Variants in TCF25 observed in about 807,000 individuals in gnomAD.
TCF25 encodes the protein TCF25 ribosome quality control complex subunit.
Under a neutral mutation model 83.1 loss-of-function variants are expected in TCF25, and 41 were observed. The observed-to-expected ratio is 0.49, with a 90% CI of 0.38 to 0.64. The LOEUF is 0.64. TCF25 is among the 30% of genes least tolerant of loss of function. The pLI, the probability that TCF25 is intolerant of heterozygous loss-of-function variation, is 0.00. For missense variants in TCF25, 979 were observed against 914.5 expected (o/e 1.07, Z -0.91); for synonymous variants, 458 against 365.0 (o/e 1.25, Z -2.90).
Position 89,896,140 on chromosome 16 carries a change from G to C in TCF25, c.1022+57G>C, listed in dbSNP as rs1250191283. 2.6e-6 allele frequency: 4 copies of C among 1,552,070 alleles called. No individual in the cohort carries two copies. The East Asian group carries it at 6.9e-5, about 27-fold the overall frequency. On this transcript the variant is annotated intron_variant, in intron 9 of 17. Transcript: ENST00000263346. The stretch of plus-strand genomic sequence containing the variant: ...TCCCCTTCCCTTCTCCTGCGAGTGA[G>C]GCTGGGGGAGGTGCAGTGGGCACCT...
At chr16:89,887,742 C>T (rs368471434) in intron 5 of TCF25, 25 bp downstream of exon 5, 35 of 1,535,164 alleles carry the variant, frequency 2.3e-5, no homozygotes, top group Non-Finnish European at 3.1e-5. Context: ...GAGCTGCATT[C>T]TCACAGCTGC....
intron 7 of TCF25, 22 bp from the exon 8 acceptor site, chr16:89,895,016 G>C: frequency 6.2e-7 from 1 of 1,608,428 alleles, no homozygotes; most frequent in South Asian, 1.1e-5. Flanking sequence ...CTTTCCTCCA[G>C]GGCTGTCCTC....
At chr16:89,910,735 G>T in intron 17 of TCF25, 72 bp downstream of exon 17, 1 of 1,520,720 alleles carries the variant, frequency 6.6e-7, no homozygotes, top group East Asian at 2.2e-5. Context: ...CGAATGCCTG[G>T]AGCCTCCTTG....
chr16:89,888,172 G>T (rs1183299816), intron 5 of TCF25, among the ~76,000 whole-genome samples: 1 of 151,940 alleles, frequency 6.6e-6, no homozygotes, highest in Non-Finnish European at 1.5e-5. Context: ...AAGCTGAGGC[G>T]GGACATTCGC....
At position 89,910,705 on chromosome 16, in the gene TCF25, C is replaced by T. The variant is rs369633486; in HGVS notation, c.1872+42C>T. On this transcript the variant is annotated intron_variant, in intron 17 of 17. Coordinates refer to ENST00000263346, the MANE Select transcript of TCF25 (RefSeq NM_014972.3). ...CCAGCCCCTGCCTCCCCAGTGGGTG[C>T]GGGCATATCCATTCCAGTGCGAATG... is the stretch of plus-strand genomic sequence containing the variant. The T allele has an allele frequency of 1.3e-3, 2,063 of 1,592,102 alleles. 3 individuals are homozygous for T. The highest frequency in any genetic ancestry group is 1.6e-3 in the Non-Finnish European group (1,916 of 1,161,830).
At position 89,895,896 on chromosome 16, in the gene TCF25, G is replaced by T. The variant is rs74633006; in HGVS notation, c.929-94G>T. On this transcript the variant is annotated intron_variant, in intron 8 of 17. Transcript: ENST00000263346. ...CAGGACTCTAGTTTCGTGACCTTCC[G>T]TCCAGACCTTTCCTTGTTGTCCATT... is the stretch of plus-strand genomic sequence containing the variant. The T allele has an allele frequency of 4.3e-4, 516 of 1,203,672 alleles. 4 individuals carry two copies. In the African/African-American group the frequency reaches 7.0e-3, roughly 16 times the overall value. 74.6% of individuals were successfully genotyped at this position (1,203,672 alleles called of 1,614,324 possible).
intron 6 of TCF25, among the ~76,000 whole-genome samples, chr16:89,892,902 T>C (rs752591764): frequency 6.6e-6 from 1 of 152,184 alleles, no homozygotes; most frequent in Non-Finnish European, 1.5e-5. Flanking sequence ...TGGCTGCTGC[T>C]GTCAGCGCTG....
intron 12 of TCF25, 62 bp from the exon 13 acceptor site, chr16:89,904,056 G>T (rs1367581895): frequency 3.3e-6 from 5 of 1,531,138 alleles, no homozygotes; most frequent in East Asian, 2.3e-5. Flanking sequence ...TACTGCCTTG[G>T]GGGCTAGGAG....
intron 11 of TCF25, among the ~76,000 whole-genome samples, 167 bp downstream of exon 11, chr16:89,899,039 C>A (rs536359551): frequency 6.6e-6 from 1 of 152,192 alleles, no homozygotes; most frequent in Non-Finnish European, 1.5e-5. Context: ...GCCGCCTCTA[C>A]GGAGTGGAAT....
intron 16 of TCF25, among the ~76,000 whole-genome samples, chr16:89,908,590 AGCTCCCG>A (rs1204199635): frequency 3.2e-5 from 3 of 93,022 alleles, no homozygotes; most frequent in Non-Finnish European, 4.4e-5. Flanking sequence ...CCCACCTCCC[AGCTCCCG>A]CCTCCCTCCT....
rs1164528945 is a variant in TCF25 at position 89,875,820 on chromosome 16, C to CTTT, written c.192+1987_192+1989dup. Among the ~76,000 whole-genome samples, 417 of 64,850 alleles carry CTTT rather than the reference C, an allele frequency of 6.4e-3. 75 individuals are homozygous for CTTT. The highest frequency in any genetic ancestry group is 0.062 in the South Asian group (111 of 1,804). The allele number at this position is 64,850 out of a possible 152,430, so 42.5% of individuals were successfully genotyped here. A position where few individuals can be genotyped will look rare whatever the true frequency, so the allele number is the denominator to read the frequency against. ...TACAGGCGTGAGCCACTGCGCCTGG[C>CTTT]TTTTTTTTTTTTTTTTTTTTTTTTT... On this transcript the variant is annotated intron_variant, in intron 1 of 17. Coordinates refer to ENST00000263346, the MANE Select transcript of TCF25 (RefSeq NM_014972.3).
intron 1 of TCF25, among the ~76,000 whole-genome samples, chr16:89,878,873 C>T (rs570029788): frequency 5.3e-5 from 8 of 152,334 alleles, no homozygotes; most frequent in African/African-American, 1.7e-4. Context: ...GATCTCCTGA[C>T]CTCGCCATCT....
At chr16:89,873,980 T>A in intron 1 of TCF25, 121 bp downstream of exon 1, 1 of 905,060 alleles carries the variant, frequency 1.1e-6, no homozygotes, top group Non-Finnish European at 1.4e-6. Flanking sequence ...GTGACGTGGG[T>A]CCCAGCCGCA....
chr16:89,907,118 C>A, intron 15 of TCF25, 125 bp from the exon 16 acceptor site: 2 of 963,878 alleles, frequency 2.1e-6, no homozygotes, highest in Non-Finnish European at 3.2e-6. Context: ...TTCTGTCAGA[C>A]TCTGTGGCTA....
intron 8 of TCF25, 30 bp downstream of exon 8, chr16:89,895,167 C>G (rs1177770530): frequency 5.6e-6 from 9 of 1,592,934 alleles, no homozygotes; most frequent in South Asian, 3.3e-5. Context: ...CCATTCCCCT[C>G]AGCTGTGGGA....
intron 5 of TCF25, among the ~76,000 whole-genome samples, chr16:89,891,759 C>T (rs2043447401): frequency 6.6e-6 from 1 of 152,080 alleles, no homozygotes; most frequent in Non-Finnish European, 1.5e-5. Context: ...TTTTATTTTC[C>T]TCTTGAGACA....
At chr16:89,907,735 C>T (rs534494606) in intron 16 of TCF25, among the ~76,000 whole-genome samples, 1 of 110,836 alleles carries the variant, frequency 9.0e-6, no homozygotes, top group Non-Finnish European at 1.9e-5. Context: ...CCTTCCAGCT[C>T]CCGCCTCCCA....
Position 89,907,001 on chromosome 16 carries a change from G to T in TCF25, c.1720-242G>T, listed in dbSNP as rs138242451. 3.8e-3 allele frequency among the ~76,000 whole-genome samples: 572 copies of T among 152,236 alleles called. 2 individuals carry two copies. Among genetic ancestry groups the T allele is most frequent in the African/African-American group, 0.013 (535 of 41,510 alleles). ...CCTTCCCCACCACACACTCTGGTGT[G>T]CAGGGCAGACGCCGTGCAGGTTCAT... is the stretch of plus-strand genomic sequence containing the variant. On this transcript the variant is annotated intron_variant, in intron 15 of 17. Transcript: ENST00000263346.
At position 89,888,823 on chromosome 16, in the gene TCF25, GCC is replaced by G. The variant is rs2043205435; in HGVS notation, c.614+1107_614+1108del. Among the ~76,000 whole-genome samples the G allele has an allele frequency of 2.7e-5, 4 of 146,928 alleles. No individual in the cohort carries two copies. The South Asian group carries it at 8.6e-4, about 32-fold the overall frequency. Reference sequence around the variant, plus strand: ...CGAGTAGCTGGGATTGCAGGTGCACGCCACCACGCCCAGCTAATTTTTTTTTT... The same window carrying G: ...CGAGTAGCTGGGATTGCAGGTGCACGACCACGCCCAGCTAATTTTTTTTTT... On this transcript the variant is annotated intron_variant, in intron 5 of 17. Coordinates refer to ENST00000263346, the MANE Select transcript of TCF25 (RefSeq NM_014972.3).
Sources: gnomAD v4.1 joint callset for allele counts (sites outside exome capture counted in the v4.1 genomes callset) on GRCh38, gnomAD v4.1.1 for gene constraint, MANE v1.5 for transcripts, NCBI Gene and HGNC (gene_info 2026-07-23, HGNC 2026-07-21) for gene names.